IFT140: variants seen among roughly 807,000 people sequenced by gnomAD.
IFT140 encodes intraflagellar transport 140, also known as intraflagellar transport protein 140 homolog.
A neutral mutation model predicts 164.6 loss-of-function variants in IFT140; 133 were observed. That is an observed-to-expected ratio of 0.81 (90% CI 0.70 to 0.93). The LOEUF is 0.93. Among genes scored for constraint, IFT140 ranks in the 40% least tolerant of loss-of-function variants. The pLI is 0.00. For missense variants in IFT140, 2,045 were observed against 1,972.3 expected, an observed-to-expected ratio of 1.04 and a Z score of -0.70; for synonymous variants, 860 against 817.3, an observed-to-expected ratio of 1.05 and a Z score of -0.89.
chr16:1,535,698 T>G (rs957987851), intron 19 of IFT140, among the ~76,000 whole-genome samples: 1 of 152,220 alleles, frequency 6.6e-6, no homozygotes, highest in African/African-American at 2.4e-5. Context: ...GCAGAAGGCA[T>G]GTGGCTTGGA....
At chr16:1,544,277 G>A (rs565215198) in intron 19 of IFT140, among the ~76,000 whole-genome samples, 80 of 151,182 alleles carry the variant, frequency 5.3e-4, no homozygotes, top group African/African-American at 1.8e-3. Flanking sequence ...TCCACCTCCC[G>A]GGTTCACGCC....
intron 19 of IFT140, among the ~76,000 whole-genome samples, chr16:1,536,703 G>C (rs756336407): frequency 1.3e-5 from 2 of 152,100 alleles, no homozygotes; most frequent in Non-Finnish European, 2.9e-5. Context: ...ACGGGGACGC[G>C]CCCAGAGTCT....
intron 11 of IFT140, among the ~76,000 whole-genome samples, chr16:1,583,726 A>C (rs970675284): frequency 7.9e-5 from 12 of 150,978 alleles, no homozygotes; most frequent in African/African-American, 2.9e-4. Context: ...GGTACATGGC[A>C]GGTGTATATA....
rs761037894 is a variant in IFT140 at position 1,523,876 on chromosome 16, G to A, written c.3222C>T (p.Tyr1074=). ...TGTCCATCTGCACGCCCTTCTCCTC[G>A]TAGTATCGGGCCGCCTCGATCATGT... The part of the protein sequence containing the change: ...PEDMIEAARY[Y]EEKGVQMDRA... Residue 1074 remains tyrosine (Y), a synonymous_variant, in exon 25 of 31, where the codon TAC becomes TAT. Coordinates refer to ENST00000426508, the MANE Select transcript of IFT140 (RefSeq NM_014714.4). The A allele has an allele frequency of 3.3e-5, 54 of 1,613,402 alleles. No homozygotes were observed. The highest frequency in any genetic ancestry group is 4.2e-5 in the Non-Finnish European group (49 of 1,180,014).
chr16:1,534,655 G>T (rs2030881644), intron 19 of IFT140: 1 of 1,537,798 alleles, frequency 6.5e-7, no homozygotes, highest in African/African-American at 1.4e-5. Flanking sequence ...GGGAGGCCTG[G>T]CCCCTGCTCT....
rs925414814 is a variant in IFT140 at position 1,520,958 on chromosome 16, TCTC to T, written c.3454-153_3454-151del. ...GGTGGGTATGGAGGGGACAAGGATG[TCTC>T]CCCTGCCTCACCAACCTACAATCAT... On this transcript the variant is annotated intron_variant, in intron 26 of 30. Transcript: ENST00000426508. The T allele has an allele frequency of 2.5e-5, 16 of 636,354 alleles. No homozygotes were observed. The Admixed American group carries it at 4.6e-4, about 18-fold the overall frequency. The allele number at this position is 636,354 out of a possible 1,614,324, so 39.4% of individuals were successfully genotyped here.
At position 1,566,215 on chromosome 16, in the gene IFT140, G is replaced by A. The variant is rs2033707840; in HGVS notation, c.1847C>T (p.Thr616Ile). ...CGTCTCTCTCCGATCAATTTGTCCA[G>A]TCTTGAAGTCAAAGACGGTCACTGT... is the stretch of plus-strand genomic sequence containing the variant. ...MDTVTVFDFKTGQIDRRETLS... is the reference protein window; with the variant it reads ...MDTVTVFDFKIGQIDRRETLS... Residue 616 changes from threonine (T) to isoleucine (I), a missense_variant, in exon 16 of 31, where the codon ACT (threonine) becomes ATT (isoleucine). Physicochemically the swap from Thr to Ile is moderately conservative, Grantham distance 89. Transcript: ENST00000426508. 6.2e-7 allele frequency: 1 copy of A among 1,613,768 alleles called. No homozygotes were observed. The highest frequency in any genetic ancestry group is 8.5e-7 in the Non-Finnish European group (1 of 1,179,758).
intron 3 of IFT140, among the ~76,000 whole-genome samples, 159 bp downstream of exon 3, chr16:1,606,961 T>G (rs1167628154): frequency 6.6e-6 from 1 of 150,802 alleles, no homozygotes; most frequent in Non-Finnish European, 1.5e-5. Context: ...CATATGCGCA[T>G]ACACACACCA....
At chr16:1,555,998 C>T (rs1004618633) in intron 19 of IFT140, among the ~76,000 whole-genome samples, 5 of 151,940 alleles carry the variant, frequency 3.3e-5, no homozygotes, top group South Asian at 4.2e-4. Flanking sequence ...CCCAGCTGCT[C>T]GGGAGGCTGA....
intron 13 of IFT140, 111 bp downstream of exon 13, chr16:1,580,648 G>T: frequency 1.4e-6 from 1 of 723,006 alleles, no homozygotes; most frequent in Non-Finnish European, 2.4e-6. Context: ...TTTACACAGT[G>T]TGAGAAAGGA....
chr16:1,540,616 G>A (rs1015340754), intron 19 of IFT140, among the ~76,000 whole-genome samples: 12 of 152,202 alleles, frequency 7.9e-5, no homozygotes, highest in African/African-American at 2.4e-4. Context: ...TGATGAATGC[G>A]GGCACAGGGA....
In IFT140 at chr16:1,544,393, G is replaced by A. The variant is rs938549741; in HGVS notation, c.2399+13542C>T. ...GTAGAGATGGGGTTTCACTATGTTC[G>A]CCAGGATGGTCTCGATCTCCTGACC... is the stretch of plus-strand genomic sequence containing the variant. On this transcript the variant is annotated intron_variant, in intron 19 of 30. Coordinates refer to ENST00000426508, the MANE Select transcript of IFT140 (RefSeq NM_014714.4). Among the ~76,000 whole-genome samples the A allele has an allele frequency of 2.6e-5, 4 of 151,872 alleles. No homozygotes were observed. In the South Asian group the frequency reaches 6.2e-4, roughly 24 times the overall value.
intron 30 of IFT140, among the ~76,000 whole-genome samples, chr16:1,513,696 C>CGGAGT (rs1421382574): frequency 3.2e-4 from 48 of 149,268 alleles, no homozygotes; most frequent in African/African-American, 1.1e-3. Context: ...TTTTTTGAGA[C>CGGAGT]GGAGTCTTGC....
intron 14 of IFT140, among the ~76,000 whole-genome samples, chr16:1,571,152 C>G (rs563371584): frequency 1.3e-5 from 2 of 152,328 alleles, no homozygotes; most frequent in East Asian, 3.9e-4. Flanking sequence ...ATGCACTCAT[C>G]ATATAGAAGC....
chr16:1,515,936 T>C (rs1404696751), intron 30 of IFT140, among the ~76,000 whole-genome samples: 1 of 148,866 alleles, frequency 6.7e-6, no homozygotes, highest in Non-Finnish European at 1.5e-5. Context: ...AGGTTGGGAG[T>C]TTGAGACCAG....
intron 19 of IFT140, chr16:1,554,687 G>C: frequency 6.6e-7 from 1 of 1,518,998 alleles, no homozygotes; most frequent in Non-Finnish European, 8.9e-7. Flanking sequence ...GAAGGATAAA[G>C]CAGGCTGGAA....
intron 8 of IFT140, 95 bp from the exon 9 acceptor site, chr16:1,587,399 A>G (rs2034944255): frequency 1.3e-6 from 1 of 765,358 alleles, no homozygotes; most frequent in South Asian, 1.5e-5. Context: ...ATTAAAAGTC[A>G]GGAAAAAGAC....
intron 19 of IFT140, among the ~76,000 whole-genome samples, chr16:1,550,802 G>C (rs1489877868): frequency 6.6e-6 from 1 of 152,222 alleles, no homozygotes; most frequent in African/African-American, 2.4e-5. Flanking sequence ...ATCTCTCTAA[G>C]AGGAATGCCA....
At chr16:1,604,274 C>CGGGTGTGTGTGTGTGTGTGT (rs552736270) in intron 3 of IFT140, 1 of 129,812 alleles carries the variant, frequency 7.7e-6, no homozygotes, top group Admixed American at 8.0e-5. Flanking sequence ...GCTGCAAGGG[C>CGGGTGTGTGTGTGTGTGTGT]GTGTGTGTGT....
Sources: gnomAD v4.1 joint callset for allele counts (sites outside exome capture counted in the v4.1 genomes callset) on GRCh38, gnomAD v4.1.1 for gene constraint, MANE v1.5 for transcripts, NCBI Gene and HGNC (gene_info 2026-07-23, HGNC 2026-07-21) for gene names.